The following ARAP2 variants were observed in gnomAD, a reference collection of about 807,000 sequenced individuals.
ARAP2 encodes the protein arf-GAP with Rho-GAP domain, ANK repeat and PH domain-containing protein 2.
In ARAP2, 148 loss-of-function variants were observed where a neutral mutation model predicts 194.5. The ratio of observed to expected loss-of-function variants is 0.76; its 90% CI spans 0.67 to 0.87. The LOEUF is 0.87. ARAP2 is among the 40% of genes least tolerant of loss of function. The pLI is 0.00. For missense variants in ARAP2, 2,128 were observed against 1,989.7 expected (o/e 1.07, Z -1.32); for synonymous variants, 695 against 683.5 (o/e 1.02, Z -0.26).
intron 2 of ARAP2, among the ~76,000 whole-genome samples, chr4:36,223,191 A>G (rs1264438976): frequency 6.6e-6 from 1 of 152,172 alleles, no homozygotes. Flanking sequence ...GAAATTTTAA[A>G]ATAAAGCTTT....
Position 36,133,254 on chromosome 4 carries a change from G to A in ARAP2, c.3399C>T (p.Asn1133=). Residue 1133 remains asparagine, a synonymous_variant, in exon 20 of 33, where the codon AAC becomes AAT. Transcript: ENST00000303965. ...LSKNDVPIIV[N]SCIAFVTQYG... is the part of the protein sequence containing the mutation. ...ACTGTGTAACAAATGCTATACAGCT[G>A]TTCACTATAATGGGAACGTCATTTT... The A allele has an allele frequency of 6.2e-7, 1 of 1,610,876 alleles. No homozygotes were observed. Among genetic ancestry groups the A allele is most frequent in the Middle Eastern group, 1.7e-4 (1 of 6,036 alleles).
At chr4:36,007,734 A>C (rs1713593976) in intron 9 of ARAP2, among the ~76,000 whole-genome samples, 1 of 152,160 alleles carries the variant, frequency 6.6e-6, no homozygotes, top group Non-Finnish European at 1.5e-5. Flanking sequence ...AATGATATTA[A>C]ATGTTATTAA....
At chr4:36,158,166 T>C (rs1156260768) in intron 15 of ARAP2, among the ~76,000 whole-genome samples, 2 of 152,134 alleles carry the variant, frequency 1.3e-5, no homozygotes, top group African/African-American at 4.8e-5. Context: ...GAAGGATAAA[T>C]GAATAAATGC....
At position 36,117,062 on chromosome 4, in the gene ARAP2, C is replaced by T. The variant is rs139889832; in HGVS notation, c.4037G>A (p.Arg1346Gln). ...RKEPDCSIIIRISPVMEAEEL... is the reference protein window; with the variant it reads ...RKEPDCSIIIQISPVMEAEEL... Reference sequence around the variant, plus strand: ...TTTACATCCACCTTTAGAACTTACCCGAATTATAATACTACAGTCGGGTTC... The same window carrying T: ...TTTACATCCACCTTTAGAACTTACCTGAATTATAATACTACAGTCGGGTTC... The change falls in exon 25 of 33, where the codon CGG (arginine) becomes CAG (glutamine). Residue 1346 changes from arginine (R) to glutamine (Q), a missense_variant and splice_region_variant. By Grantham distance (43) the Arg-to-Gln change is conservative. Coordinates refer to ENST00000303965, the MANE Select transcript of ARAP2 (RefSeq NM_015230.4). 234 of 1,582,398 alleles carry T rather than the reference C, an allele frequency of 1.5e-4. No individual in the cohort carries two copies. The highest frequency in any genetic ancestry group is 1.8e-4 in the African/African-American group (13 of 72,572).
At chr4:36,076,965 G>A (rs185893262) in intron 31 of ARAP2, among the ~76,000 whole-genome samples, 1 of 152,078 alleles carries the variant, frequency 6.6e-6, no homozygotes. Context: ...ATTGACACAG[G>A]AGTTAAGAAG....
chr4:36,208,192 G>T (rs1279394822), intron 6 of ARAP2, among the ~76,000 whole-genome samples: 1 of 152,172 alleles, frequency 6.6e-6, no homozygotes, highest in African/African-American at 2.4e-5. Flanking sequence ...TAAATGCAAA[G>T]GAGACATTTT....
rs1291689831 is a variant in ARAP2, at chr4:36,128,763, A to G, written c.3428-18T>C. On this transcript the variant is annotated intron_variant, in intron 20 of 32. Coordinates refer to ENST00000303965, the MANE Select transcript of ARAP2 (RefSeq NM_015230.4). Reference sequence around the variant, plus strand: ...TCCTAAACCTTTGTTTAAAAAAAAAAAGTTATACTTTAAAAGTCTAAATTC... The same window carrying G: ...TCCTAAACCTTTGTTTAAAAAAAAAGAGTTATACTTTAAAAGTCTAAATTC... The G allele has an allele frequency of 1.9e-6, 3 of 1,559,342 alleles. No individual in the cohort carries two copies. Among genetic ancestry groups the G allele is most frequent in the East Asian group, 2.3e-5 (1 of 43,914 alleles).
At chr4:36,049,020 G>A (rs1722256065) in intron 3 of ARAP2, among the ~76,000 whole-genome samples, 1 of 151,994 alleles carries the variant, frequency 6.6e-6, no homozygotes, top group Admixed American at 6.6e-5. Context: ...TGTAACTTCA[G>A]AATATATTTA....
At chr4:36,139,525 T>C (rs982425560) in intron 19 of ARAP2, among the ~76,000 whole-genome samples, 2 of 151,712 alleles carry the variant, frequency 1.3e-5, no homozygotes, top group African/African-American at 4.8e-5. Flanking sequence ...ATTCCGTTTA[T>C]TCATTCTTTC....
intron 19 of ARAP2, among the ~76,000 whole-genome samples, chr4:36,137,144 C>T (rs1253398977): frequency 6.6e-6 from 1 of 151,766 alleles, no homozygotes; most frequent in Non-Finnish European, 1.5e-5. Flanking sequence ...TTAGTTTTGA[C>T]AATTAGTTCC....
intron 5 of ARAP2, among the ~76,000 whole-genome samples, chr4:36,032,602 T>G (rs1013909936): frequency 6.6e-6 from 1 of 152,368 alleles, no homozygotes; most frequent in Non-Finnish European, 1.5e-5. Flanking sequence ...TCAATTTATT[T>G]TAAGATTATA....
chr4:36,094,288 C>T (rs576843589), intron 27 of ARAP2, among the ~76,000 whole-genome samples: 67 of 152,248 alleles, frequency 4.4e-4, no homozygotes, highest in African/African-American at 1.6e-3. Flanking sequence ...AATGCAGCCT[C>T]ACATTATGTA....
intron 19 of ARAP2, among the ~76,000 whole-genome samples, chr4:36,145,296 T>C (rs1222061088): frequency 6.6e-6 from 1 of 151,972 alleles, no homozygotes; most frequent in African/African-American, 2.4e-5. Context: ...GATCAGTGGT[T>C]GACGGGCTAA....
chr4:36,160,833 C>T (rs903795474), intron 12 of ARAP2, among the ~76,000 whole-genome samples, 192 bp from the exon 13 acceptor site: 2 of 152,168 alleles, frequency 1.3e-5, no homozygotes, highest in Non-Finnish European at 2.9e-5. Context: ...ATACAGCCTA[C>T]CCACTCTAAA....
chr4:36,087,890 T>C (rs548135930), intron 28 of ARAP2, among the ~76,000 whole-genome samples: 3 of 152,258 alleles, frequency 2.0e-5, no homozygotes, highest in South Asian at 4.1e-4. Context: ...CATCGCTTAC[T>C]GTGTATGTGA....
intron 22 of ARAP2, among the ~76,000 whole-genome samples, chr4:36,121,948 C>T (rs1049861266): frequency 1.3e-5 from 2 of 151,446 alleles, no homozygotes; most frequent in Non-Finnish European, 1.5e-5. Context: ...CAGAAATGAA[C>T]GAAGGAGTCA....
intron 6 of ARAP2, among the ~76,000 whole-genome samples, chr4:36,208,169 G>C (rs1745969351): frequency 6.6e-6 from 1 of 152,148 alleles, no homozygotes; most frequent in Admixed American, 6.5e-5. Flanking sequence ...TAGTAAATTT[G>C]GTGGCCAGGG....
At chr4:36,126,909 C>T (rs1724067840) in intron 21 of ARAP2, among the ~76,000 whole-genome samples, 1 of 152,074 alleles carries the variant, frequency 6.6e-6, no homozygotes, top group Non-Finnish European at 1.5e-5. Context: ...ACCATCACAA[C>T]TCACTGAAGC....
At chr4:36,200,798 T>C (rs1017653306) in intron 6 of ARAP2, among the ~76,000 whole-genome samples, 1 of 152,226 alleles carries the variant, frequency 6.6e-6, no homozygotes, top group Non-Finnish European at 1.5e-5. Flanking sequence ...CTAATTTCAT[T>C]GTAATTACAT....
Sources: allele counts gnomAD v4.1 joint callset (sites outside exome capture counted in the v4.1 genomes callset), GRCh38; gene constraint gnomAD v4.1.1; transcripts MANE v1.5; gene names NCBI Gene and HGNC (gene_info 2026-07-23, HGNC 2026-07-21).